The following MBNL1 variants were observed in gnomAD, a reference collection of about 807,000 sequenced individuals.
The protein encoded by MBNL1 is muscleblind like splicing regulator 1, also known as muscleblind-like protein 1.
Under a neutral mutation model 42.2 loss-of-function variants are expected in MBNL1, and 8 were observed. That is an observed-to-expected ratio of 0.19 (90% CI 0.11 to 0.34). The LOEUF (loss-of-function observed/expected upper bound fraction) is 0.34, where lower values mean the gene tolerates loss of function less well. MBNL1 is among the 10% of genes least tolerant of loss of function. The pLI, the probability that MBNL1 is intolerant of heterozygous loss-of-function variation, is 1.00. For missense variants in MBNL1, 309 were observed against 495.3 expected, an observed-to-expected ratio of 0.62 and a Z score of 3.57; for synonymous variants, 169 against 173.9, an observed-to-expected ratio of 0.97 and a Z score of 0.22.
intron 2 of MBNL1, among the ~76,000 whole-genome samples, chr3:152,317,986 T>C (rs541593640): frequency 6.6e-6 from 1 of 152,352 alleles, no homozygotes; most frequent in African/African-American, 2.4e-5. Context: ...TATTAATGTA[T>C]GAAAGTAGTC....
chr3:152,427,721 A>AT (rs985413738), intron 3 of MBNL1, among the ~76,000 whole-genome samples: 8 of 151,542 alleles, frequency 5.3e-5, no homozygotes, highest in Admixed American at 2.6e-4. Context: ...TTTAAAAAAA[A>AT]TTTTTTTATA....
chr3:152,429,545 A>T (rs546536599), intron 3 of MBNL1, among the ~76,000 whole-genome samples: 7 of 152,206 alleles, frequency 4.6e-5, no homozygotes, highest in African/African-American at 1.7e-4. Flanking sequence ...ATGCCACTTG[A>T]TAACAACATT....
chr3:152,427,510 T>A (rs1580254938), intron 3 of MBNL1, among the ~76,000 whole-genome samples: 2 of 152,138 alleles, frequency 1.3e-5, no homozygotes, highest in Admixed American at 1.3e-4. Context: ...TGCCTCAGCC[T>A]CACAAAGTGC....
At chr3:152,363,462 C>G (rs1004406555) in intron 2 of MBNL1, among the ~76,000 whole-genome samples, 1 of 152,106 alleles carries the variant, frequency 6.6e-6, no homozygotes, top group Non-Finnish European at 1.5e-5. Flanking sequence ...TATAGAAGAG[C>G]AGTTCATGGA....
intron 4 of MBNL1, among the ~76,000 whole-genome samples, chr3:152,441,425 G>C (rs1001768149): frequency 1.3e-5 from 2 of 152,162 alleles, no homozygotes; most frequent in Non-Finnish European, 2.9e-5. Flanking sequence ...GATGTTAATA[G>C]TGTTTTCATT....
Position 152,390,898 on chromosome 3 carries a change from A to G in MBNL1, c.175-24043A>G, listed in dbSNP as rs532986334. Among the ~76,000 whole-genome samples the G allele has an allele frequency of 2.6e-5, 4 of 152,356 alleles. 1 individual carries two copies. Among genetic ancestry groups the G allele is most frequent in the African/African-American group, 9.6e-5 (4 of 41,592 alleles). ...ACCCAGCTTAACCAGAACAATGCCC[A>G]AAAACCTTTGAAGTGCAGTGATGTG... On this transcript the variant is annotated intron_variant, in intron 2 of 9. Coordinates refer to ENST00000324210, the MANE Select transcript of MBNL1 (RefSeq NM_021038.5).
chr3:152,381,366 A>G lies in MBNL1; in HGVS notation c.175-33575A>G, dbSNP rs1244120694. Among the ~76,000 whole-genome samples, 5 of 152,176 alleles carry G rather than the reference A, an allele frequency of 3.3e-5. No individual in the cohort carries two copies. In the East Asian group the frequency reaches 9.6e-4, roughly 29 times the overall value. Reference sequence around the variant, plus strand: ...GAGCTAGTATGTGTCCTTACTTGCTAAAAACAAACAAACAAACAAAAAAAA... The same window carrying G: ...GAGCTAGTATGTGTCCTTACTTGCTGAAAACAAACAAACAAACAAAAAAAA... On this transcript the variant is annotated intron_variant, in intron 2 of 9. Transcript: ENST00000324210.
chr3:152,285,422 G>T (rs1023843819), intron 1 of MBNL1, among the ~76,000 whole-genome samples: 1 of 152,014 alleles, frequency 6.6e-6, no homozygotes, highest in Non-Finnish European at 1.5e-5. Flanking sequence ...TGCAAGCCTC[G>T]CCTCAATTTA....
rs147386604 is a variant in MBNL1 at position 152,408,826 on chromosome 3, G to A, written c.175-6115G>A. Reference sequence around the variant, plus strand: ...TTTTGGTTTATCAGAACTGAGGGTAGGGGTAATATAGGCATTTAGTGGTTG... The same window carrying A: ...TTTTGGTTTATCAGAACTGAGGGTAAGGGTAATATAGGCATTTAGTGGTTG... On this transcript the variant is annotated intron_variant, in intron 2 of 9. Coordinates refer to ENST00000324210, the MANE Select transcript of MBNL1 (RefSeq NM_021038.5). Among the ~76,000 whole-genome samples the A allele has an allele frequency of 7.2e-4, 109 of 152,200 alleles. 1 individual carries two copies. The East Asian group carries it at 0.017, about 24-fold the overall frequency.
chr3:152,295,849 C>T (rs1388828194), intron 1 of MBNL1, among the ~76,000 whole-genome samples: 1 of 152,206 alleles, frequency 6.6e-6, no homozygotes, highest in Non-Finnish European at 1.5e-5. Flanking sequence ...CAAGAACCCT[C>T]AGCAACTCCT....
intron 2 of MBNL1, among the ~76,000 whole-genome samples, chr3:152,335,423 C>G (rs944306614): frequency 6.6e-6 from 1 of 152,138 alleles, no homozygotes; most frequent in African/African-American, 2.4e-5. Flanking sequence ...CCATAAAGTT[C>G]TCATTTATTC....
rs1487639248 is a variant in MBNL1 at position 152,268,976 on chromosome 3, A to G, written c.-906A>G. 4.4e-6 allele frequency: 2 copies of G among 456,122 alleles called. No homozygotes were observed. The highest frequency in any genetic ancestry group is 2.0e-5 in the African/African-American group (1 of 50,078). 28.3% of individuals were successfully genotyped at this position (456,122 alleles called of 1,614,324 possible). On this transcript the variant is annotated 5_prime_UTR_variant, in exon 1 of 10. An upstream start codon of the reference 5' UTR is lost. Transcript: ENST00000324210. ...GAGTTGTGGCGCCCACAATGCTCCC[A>G]TGACAAGGAGCTGACAAGTTCCATT...
At chr3:152,381,605 A>G (rs551163828) in intron 2 of MBNL1, among the ~76,000 whole-genome samples, 11 of 152,158 alleles carry the variant, frequency 7.2e-5, no homozygotes, top group South Asian at 6.2e-4. Flanking sequence ...TAGTAATTCT[A>G]TAGTTAGCAA....
chr3:152,390,612 T>TACACAC, intron 2 of MBNL1, among the ~76,000 whole-genome samples: 1 of 81,346 alleles, frequency 1.2e-5, no homozygotes, highest in Non-Finnish European at 2.5e-5. Context: ...TGTATTGTTA[T>TACACAC]GCACACACAC....
At chr3:152,365,380 T>G (rs1288713055) in intron 2 of MBNL1, among the ~76,000 whole-genome samples, 1 of 152,148 alleles carries the variant, frequency 6.6e-6, no homozygotes, top group Non-Finnish European at 1.5e-5. Context: ...ACTTCCACAT[T>G]GCTTCATTCA....
At chr3:152,408,528 T>C (rs2098488681) in intron 2 of MBNL1, among the ~76,000 whole-genome samples, 1 of 152,196 alleles carries the variant, frequency 6.6e-6, no homozygotes, top group African/African-American at 2.4e-5. Context: ...CTGTTAGAAA[T>C]AGGTGCATAA....
At chr3:152,335,671 T>G (rs771041559) in intron 2 of MBNL1, among the ~76,000 whole-genome samples, 2 of 152,184 alleles carry the variant, frequency 1.3e-5, no homozygotes, top group Non-Finnish European at 2.9e-5. Flanking sequence ...TTATCTTCCC[T>G]TTTATGATTT....
chr3:152,358,433 G>T (rs1206320253), intron 2 of MBNL1, among the ~76,000 whole-genome samples: 1 of 152,036 alleles, frequency 6.6e-6, no homozygotes, highest in African/African-American at 2.4e-5. Context: ...AATGATAAGT[G>T]ACTCATTAGG....
chr3:152,392,391 T>G (rs953944302), intron 2 of MBNL1, among the ~76,000 whole-genome samples: 4 of 152,136 alleles, frequency 2.6e-5, no homozygotes, highest in Admixed American at 6.5e-5. Flanking sequence ...GGAGACAGAG[T>G]TAAACAAATT....
Sources: gnomAD v4.1 joint callset for allele counts (sites outside exome capture counted in the v4.1 genomes callset) on GRCh38, gnomAD v4.1.1 for gene constraint, MANE v1.5 for transcripts, NCBI Gene and HGNC (gene_info 2026-07-23, HGNC 2026-07-21) for gene names.